Variants in ZEB2 observed in about 807,000 individuals in gnomAD.
The protein encoded by ZEB2 is zinc finger E-box binding homeobox 2, also known as zinc finger E-box-binding homeobox 2.
Under a neutral mutation model 99.9 loss-of-function variants are expected in ZEB2, and 6 were observed. That is an observed-to-expected ratio of 0.06 (90% CI 0.03 to 0.12). The LOEUF is 0.12. ZEB2 is among the 10% of genes least tolerant of loss of function. The pLI, the probability that ZEB2 is intolerant of heterozygous loss-of-function variation, is 1.00. For missense variants in ZEB2, 969 were observed against 1,502.8 expected (o/e 0.64, Z 5.87); for synonymous variants, 517 against 542.5 (o/e 0.95, Z 0.65).
chr2:144,455,711 G>A (rs1425441984), intron 2 of ZEB2, among the ~76,000 whole-genome samples: 12 of 152,088 alleles, frequency 7.9e-5, no homozygotes, highest in Non-Finnish European at 1.3e-4. Context: ...CATAGCAATA[G>A]TGAATATGGA....
intron 2 of ZEB2, among the ~76,000 whole-genome samples, chr2:144,501,024 A>G (rs953264821): frequency 1.4e-5 from 2 of 145,244 alleles, no homozygotes; most frequent in Non-Finnish European, 3.0e-5. Context: ...AAATTCAAAG[A>G]TCGTATTTAT....
chr2:144,517,156 G>T lies in ZEB2; in HGVS notation c.73+122C>A. 7 of 1,192,438 alleles carry T rather than the reference G, an allele frequency of 5.9e-6. No homozygotes were observed. The South Asian group carries it at 7.8e-5, about 13-fold the overall frequency. The allele number at this position is 1,192,438 out of a possible 1,614,324, so 73.9% of individuals were successfully genotyped here. On this transcript the variant is annotated intron_variant, in intron 2 of 9. Coordinates refer to ENST00000627532, the MANE Select transcript of ZEB2 (RefSeq NM_014795.4). ...CGGCGCCGGCCGCGGAGGGAGGCTC[G>T]CCCTAGAGCCCTGGGCGCCGCCGCC...
intron 2 of ZEB2, among the ~76,000 whole-genome samples, chr2:144,438,289 C>T (rs750487016): frequency 1.1e-4 from 16 of 152,110 alleles, no homozygotes; most frequent in Non-Finnish European, 2.1e-4. Flanking sequence ...ATGGAGGTAC[C>T]GTAATGCTTC....
intron 4 of ZEB2, among the ~76,000 whole-genome samples, chr2:144,412,242 C>G (rs1371467265): frequency 1.3e-5 from 2 of 152,228 alleles, no homozygotes; most frequent in Non-Finnish European, 2.9e-5. Flanking sequence ...GCACTCCAGC[C>G]TGGGCAACAA....
At chr2:144,496,078 T>C (rs1018649863) in intron 2 of ZEB2, 2 of 152,218 alleles carry the variant, frequency 1.3e-5, no homozygotes, top group African/African-American at 4.8e-5. Flanking sequence ...GTCACATAGT[T>C]GTTACAAAAT....
chr2:144,434,907 T>G (rs906287626), intron 2 of ZEB2, among the ~76,000 whole-genome samples: 1 of 152,114 alleles, frequency 6.6e-6, no homozygotes, highest in Non-Finnish European at 1.5e-5. Context: ...CCAAGGAAGC[T>G]TGGTAGAAAT....
intron 4 of ZEB2, among the ~76,000 whole-genome samples, chr2:144,409,520 T>C (rs1444132336): frequency 6.6e-6 from 1 of 152,174 alleles, no homozygotes; most frequent in African/African-American, 2.4e-5. Flanking sequence ...AAAGGATATT[T>C]GCATGGTATT....
At chr2:144,491,119 G>A (rs1382145203) in intron 2 of ZEB2, among the ~76,000 whole-genome samples, 1 of 152,358 alleles carries the variant, frequency 6.6e-6, no homozygotes, top group East Asian at 1.9e-4. Context: ...ATATTGGCAG[G>A]GCCTCTGGCC....
chr2:144,395,704 T>C (rs573009944), intron 9 of ZEB2, among the ~76,000 whole-genome samples: 3 of 152,282 alleles, frequency 2.0e-5, no homozygotes, highest in Admixed American at 2.0e-4. Flanking sequence ...AAATTACATA[T>C]GGTACTTCAT....
At chr2:144,416,168 C>T (rs1047327072) in intron 4 of ZEB2, among the ~76,000 whole-genome samples, 3 of 152,164 alleles carry the variant, frequency 2.0e-5, no homozygotes, top group Non-Finnish European at 4.4e-5. Context: ...ACGTGTACTT[C>T]AATGTGACAA....
chr2:144,428,561 G>A (rs527327597), intron 3 of ZEB2: 82 of 152,296 alleles, frequency 5.4e-4, no homozygotes, highest in African/African-American at 1.9e-3. Flanking sequence ...TTCACCGAAA[G>A]CAAAATTGGA....
chr2:144,462,210 T>C (rs1250872160), intron 2 of ZEB2: 1 of 152,148 alleles, frequency 6.6e-6, no homozygotes, highest in Non-Finnish European at 1.5e-5. Flanking sequence ...GTTTTAATTA[T>C]AATCCAAATA....
At chr2:144,510,035 A>G (rs1023080096) in intron 2 of ZEB2, among the ~76,000 whole-genome samples, 1 of 152,008 alleles carries the variant, frequency 6.6e-6, no homozygotes, top group Non-Finnish European at 1.5e-5. Flanking sequence ...AACATACTAA[A>G]AAAATCTGAA....
At chr2:144,441,854 C>G (rs1305551730) in intron 2 of ZEB2, among the ~76,000 whole-genome samples, 1 of 152,170 alleles carries the variant, frequency 6.6e-6, no homozygotes, top group Non-Finnish European at 1.5e-5. Context: ...CCAAAGTTAT[C>G]TTATGAAGTA....
At chr2:144,467,395 A>G (rs557248834) in intron 2 of ZEB2, among the ~76,000 whole-genome samples, 2 of 152,298 alleles carry the variant, frequency 1.3e-5, no homozygotes, top group South Asian at 4.1e-4. Context: ...GTCTTCACTT[A>G]TAGCAATGAT....
Position 144,404,965 on chromosome 2 carries a change from C to T in ZEB2, c.463G>A (p.Glu155Lys). The T allele has an allele frequency of 6.2e-7, 1 of 1,614,194 alleles. No homozygotes were observed. The highest frequency in any genetic ancestry group is 1.1e-5 in the South Asian group (1 of 91,086). Residue 155 changes from glutamate (E) to lysine (K), a missense_variant, in exon 5 of 10, where the codon GAA becomes AAA. Around this residue, in one of 8 missense-constraint regions of ZEB2, gnomAD observed 173 missense variants for 217.7 expected, o/e 0.79. Transcript: ENST00000627532. ...EEYFAKRKLE[E>K]RDGHAVSIEE... ...ATGCTGACTGCATGACCATCGCGTT[C>T]CTCCAGTTTTCTTTTGGCAAAGTAT...
chr2:144,445,678 C>T (rs1370610935), intron 2 of ZEB2, among the ~76,000 whole-genome samples: 1 of 147,352 alleles, frequency 6.8e-6, no homozygotes, highest in Non-Finnish European at 1.5e-5. Flanking sequence ...TACCACCCAA[C>T]CACACACAAA....
intron 7 of ZEB2, among the ~76,000 whole-genome samples, chr2:144,400,654 G>C (rs1429466225): frequency 6.6e-6 from 1 of 152,178 alleles, no homozygotes; most frequent in Non-Finnish European, 1.5e-5. Context: ...AGATTCCATT[G>C]ATTCTACCAA....
chr2:144,497,245 T>C (rs571482125), intron 2 of ZEB2, among the ~76,000 whole-genome samples: 1 of 152,296 alleles, frequency 6.6e-6, no homozygotes, highest in Admixed American at 6.5e-5. Flanking sequence ...TCTCTCTGTA[T>C]TGGGTAGAAA....
Sources: allele counts gnomAD v4.1 joint callset (sites outside exome capture counted in the v4.1 genomes callset), GRCh38; gene constraint gnomAD v4.1.1; regional missense constraint gnomAD v4.1.1; transcripts MANE v1.5; gene names NCBI Gene and HGNC (gene_info 2026-07-23, HGNC 2026-07-21).